The following CSMD1 variants were observed in gnomAD, a reference collection of about 807,000 sequenced individuals.
The protein encoded by CSMD1 is CUB and sushi domain-containing protein 1.
A neutral mutation model predicts 417.5 loss-of-function variants in CSMD1; 213 were observed. That is an observed-to-expected ratio of 0.51 (90% CI 0.46 to 0.57). The LOEUF is 0.57. Ranked by LOEUF, CSMD1 falls within the 20% of genes least tolerant of loss-of-function variation. CSMD1 has a pLI of 0.00. For synonymous variants in CSMD1, 2,862 were observed against 1,736.8 expected, an observed-to-expected ratio of 1.65 and a Z score of -16.11; for missense variants, 6,923 against 4,529.7, an observed-to-expected ratio of 1.53 and a Z score of -15.17.
chr8:4,117,777 T>A (rs1802242222), intron 3 of CSMD1, among the ~76,000 whole-genome samples: 1 of 152,046 alleles, frequency 6.6e-6, no homozygotes, highest in Non-Finnish European at 1.5e-5. Context: ...ACCAGGCCCA[T>A]TCAGAGAATG....
chr8:4,717,326 T>TATATATATATATATATATATATATATAC (rs1392557124), intron 1 of CSMD1, among the ~76,000 whole-genome samples: 1 of 146,696 alleles, frequency 6.8e-6, no homozygotes, highest in African/African-American at 2.6e-5. Context: ...TATATATATA[T>TATATATATATATATATATATATATATAC]ACACACACAC....
At chr8:3,127,176 G>A (rs544218203) in intron 41 of CSMD1, among the ~76,000 whole-genome samples, 5 of 152,136 alleles carry the variant, frequency 3.3e-5, no homozygotes, top group African/African-American at 4.8e-5. Context: ...TTGCCCTAGC[G>A]GGGATGGGGA....
intron 7 of CSMD1, among the ~76,000 whole-genome samples, chr8:3,631,936 T>C (rs1024223509): frequency 1.3e-5 from 2 of 152,196 alleles, no homozygotes; most frequent in African/African-American, 2.4e-5. Context: ...CACTGCCTCT[T>C]TGTATGTTAA....
rs900610126 is a variant in CSMD1 at position 4,203,921 on chromosome 8, C to T, written c.416-171822G>A. On this transcript the variant is annotated intron_variant, in intron 3 of 69. Coordinates refer to ENST00000635120, the MANE Select transcript of CSMD1 (RefSeq NM_033225.6). ...TTTGAGGCCAGCCTGGGAAATATGG[C>T]GAAACCTCATCTCTACAAAAAATAC... Among the ~76,000 whole-genome samples, 12 of 151,826 alleles carry T rather than the reference C, an allele frequency of 7.9e-5. No homozygotes were observed. The East Asian group carries it at 1.9e-3, about 25-fold the overall frequency.
In CSMD1 at chr8:3,833,139, C is replaced by T. The variant is rs548682458; in HGVS notation, c.819-79097G>A. Reference sequence around the variant, plus strand: ...TACAGGGAGCATGTCAAACGATCAACTTCCTCTCTTTAAAATTTCAGGAAA... The same window carrying T: ...TACAGGGAGCATGTCAAACGATCAATTTCCTCTCTTTAAAATTTCAGGAAA... On this transcript the variant is annotated intron_variant, in intron 5 of 69. Coordinates refer to ENST00000635120, the MANE Select transcript of CSMD1 (RefSeq NM_033225.6). Among the ~76,000 whole-genome samples the T allele has an allele frequency of 1.1e-4, 17 of 152,258 alleles. No homozygotes were observed. The South Asian group carries it at 3.1e-3, about 28-fold the overall frequency.
intron 1 of CSMD1, among the ~76,000 whole-genome samples, chr8:4,686,161 G>A (rs1806374783): frequency 6.6e-6 from 1 of 152,210 alleles, no homozygotes; most frequent in Admixed American, 6.5e-5. Flanking sequence ...CACTCAAGAA[G>A]AGAAGCAGTG....
chr8:3,053,000 G>T (rs1259300460), intron 49 of CSMD1, among the ~76,000 whole-genome samples: 1 of 152,044 alleles, frequency 6.6e-6, no homozygotes, highest in Non-Finnish European at 1.5e-5. Context: ...CAGGCTGGTT[G>T]CCAACTCCCA....
intron 12 of CSMD1, among the ~76,000 whole-genome samples, chr8:3,422,713 C>T (rs1056488627): frequency 6.6e-6 from 1 of 152,104 alleles, no homozygotes; most frequent in Non-Finnish European, 1.5e-5. Flanking sequence ...TCGTCTTAGT[C>T]CCCTTGTGCT....
chr8:4,718,288 T>A (rs1457196), intron 1 of CSMD1, among the ~76,000 whole-genome samples: 57,920 of 152,092 alleles, frequency 0.38, 13,733 homozygotes, highest in African/African-American at 0.68. Flanking sequence ...TACAAATCTA[T>A]CAAAATTTTA....
At position 4,093,560 on chromosome 8, in the gene CSMD1, A is replaced by C. The variant is rs77607035; in HGVS notation, c.416-61461T>G. 2.7e-3 allele frequency among the ~76,000 whole-genome samples: 414 copies of C among 152,328 alleles called. 3 individuals carry two copies. The highest frequency in any genetic ancestry group is 9.6e-3 in the African/African-American group (398 of 41,584). ...CTACGAGTTTTCTCTTTTATATAGA[A>C]CACCACATTGAAAAAAAGTGGCAGA... On this transcript the variant is annotated intron_variant, in intron 3 of 69. Transcript: ENST00000635120.
chr8:3,187,535 T>G (rs1796133606), intron 36 of CSMD1, among the ~76,000 whole-genome samples: 1 of 152,176 alleles, frequency 6.6e-6, no homozygotes, highest in Non-Finnish European at 1.5e-5. Flanking sequence ...CTGTGCATTT[T>G]AAGAGTTGAG....
chr8:4,203,167 T>C (rs147994284), intron 3 of CSMD1, among the ~76,000 whole-genome samples: 2 of 152,298 alleles, frequency 1.3e-5, no homozygotes, highest in East Asian at 1.9e-4. Context: ...CAGAGGGACA[T>C]GTCATTTAAA....
chr8:3,509,643 A>C (rs1796980792), intron 10 of CSMD1, among the ~76,000 whole-genome samples: 1 of 152,232 alleles, frequency 6.6e-6, no homozygotes. Flanking sequence ...AAGAAGCTAT[A>C]AGATATCATC....
At chr8:3,573,614 T>C (rs190355583) in intron 10 of CSMD1, among the ~76,000 whole-genome samples, 6 of 152,162 alleles carry the variant, frequency 3.9e-5, no homozygotes, top group Admixed American at 3.9e-4. Context: ...ACCAAAGGCA[T>C]CTGTGATGAA....
chr8:4,550,529 T>G (rs1227025083), intron 2 of CSMD1, among the ~76,000 whole-genome samples: 1 of 152,108 alleles, frequency 6.6e-6, no homozygotes, highest in African/African-American at 2.4e-5. Flanking sequence ...AACCAAAAAC[T>G]CCTATTTTTG....
At chr8:4,112,280 C>T (rs927551011) in intron 3 of CSMD1, among the ~76,000 whole-genome samples, 1 of 152,162 alleles carries the variant, frequency 6.6e-6, no homozygotes, top group Non-Finnish European at 1.5e-5. Flanking sequence ...TCTGATACAC[C>T]TTTCTGTGCC....
At chr8:3,408,998 C>T (rs964254303) in intron 13 of CSMD1, among the ~76,000 whole-genome samples, 3 of 152,158 alleles carry the variant, frequency 2.0e-5, no homozygotes, top group African/African-American at 7.2e-5. Flanking sequence ...AAGTGGGCAG[C>T]TCATCAACTG....
At chr8:3,467,965 T>C (rs1273863451) in intron 12 of CSMD1, among the ~76,000 whole-genome samples, 1 of 152,212 alleles carries the variant, frequency 6.6e-6, no homozygotes, top group Non-Finnish European at 1.5e-5. Context: ...ATAAATATTC[T>C]CATTTTTACC....
rs753593388 is a variant in CSMD1 at position 3,307,699 on chromosome 8, T to G, written c.3946A>C (p.Ile1316Leu). ...WIIEADPGKT[I>L]SLHFIVFDTE... ...AAACCAAAATAAAACAAGTACCTAATGGTCTTTCCTGGGTCTGCCTCTATA... is the reference window on the plus strand; with the variant it reads ...AAACCAAAATAAAACAAGTACCTAAGGGTCTTTCCTGGGTCTGCCTCTATA... Residue 1316 changes from isoleucine (I) to leucine (L), a missense_variant, in exon 25 of 70, where the codon ATT becomes CTT. Coordinates refer to ENST00000635120, the MANE Select transcript of CSMD1 (RefSeq NM_033225.6). The G allele has an allele frequency of 6.2e-7, 1 of 1,613,062 alleles. No individual in the cohort carries two copies. The highest frequency in any genetic ancestry group is 8.5e-7 in the Non-Finnish European group (1 of 1,179,426).
Sources: gnomAD v4.1 joint callset for allele counts (sites outside exome capture counted in the v4.1 genomes callset) on GRCh38, gnomAD v4.1.1 for gene constraint, MANE v1.5 for transcripts, NCBI Gene and HGNC (gene_info 2026-07-23, HGNC 2026-07-21) for gene names.